The following SDK1 variants were observed in gnomAD, a reference collection of about 807,000 sequenced individuals.
The protein encoded by SDK1 is protein sidekick-1.
Under a neutral mutation model 245.5 loss-of-function variants are expected in SDK1, and 157 were observed. The ratio of observed to expected loss-of-function variants is 0.64; its 90% CI spans 0.56 to 0.73. SDK1 has a LOEUF of 0.73. Among genes scored for constraint, SDK1 ranks in the 30% least tolerant of loss-of-function variants. The pLI, the probability that SDK1 is intolerant of heterozygous loss-of-function variation, is 0.00. For missense variants in SDK1, 3,583 were observed against 3,002.3 expected, an observed-to-expected ratio of 1.19 and a Z score of -4.52; for synonymous variants, 1,647 against 1,278.5, an observed-to-expected ratio of 1.29 and a Z score of -6.15.
chr7:3,348,383 AAG>A (rs1780564020), intron 1 of SDK1, among the ~76,000 whole-genome samples: 1 of 152,182 alleles, frequency 6.6e-6, no homozygotes, highest in African/African-American at 2.4e-5. Flanking sequence ...CAGCCATAAA[AAG>A]GAACAAAATC....
chr7:4,128,784 G>C (rs1450846788), intron 26 of SDK1, among the ~76,000 whole-genome samples: 1 of 144,372 alleles, frequency 6.9e-6, no homozygotes, highest in East Asian at 2.0e-4. Context: ...CTTAGGGTTG[G>C]GTGCCCTGGA....
chr7:3,551,396 A>G lies in SDK1; in HGVS notation c.299-67684A>G, dbSNP rs530075287. 3.3e-5 allele frequency among the ~76,000 whole-genome samples: 5 copies of G among 152,318 alleles called. 1 individual carries two copies. The East Asian group carries it at 9.6e-4, about 29-fold the overall frequency. ...TTATCCTGGTAAAGTTTTCATATCC[A>G]ACTGGGGAATCAGCAGCAATGTTTC... On this transcript the variant is annotated intron_variant, in intron 1 of 44. Coordinates refer to ENST00000404826, the MANE Select transcript of SDK1 (RefSeq NM_152744.4).
intron 1 of SDK1, among the ~76,000 whole-genome samples, chr7:3,489,109 C>G (rs1198907313): frequency 6.6e-6 from 1 of 152,134 alleles, no homozygotes; most frequent in Non-Finnish European, 1.5e-5. Flanking sequence ...GTAATATTCT[C>G]TCCCTGCAGA....
chr7:3,321,778 C>CCTTCTCCTTCCT (rs1554257335), intron 1 of SDK1, among the ~76,000 whole-genome samples: 1 of 50,302 alleles, frequency 2.0e-5, no homozygotes, highest in Non-Finnish European at 3.4e-5. Context: ...TTCCTTCCTT[C>CCTTCTCCTTCCT]TCCTTCCTTC....
At chr7:3,891,627 C>A (rs1403065620) in intron 5 of SDK1, among the ~76,000 whole-genome samples, 2 of 152,184 alleles carry the variant, frequency 1.3e-5, no homozygotes, top group African/African-American at 4.8e-5. Context: ...TCCAAGTACA[C>A]TGAGCACATC....
At chr7:3,853,098 G>T (rs1252989547) in intron 5 of SDK1, among the ~76,000 whole-genome samples, 1 of 151,958 alleles carries the variant, frequency 6.6e-6, no homozygotes, top group East Asian at 1.9e-4. Context: ...CTCCACGTAC[G>T]CAGGCTTCAC....
At chr7:3,613,864 A>G (rs1261922126) in intron 1 of SDK1, among the ~76,000 whole-genome samples, 3 of 152,224 alleles carry the variant, frequency 2.0e-5, no homozygotes, top group African/African-American at 4.8e-5. Context: ...TAGCAAACTA[A>G]CACAGGAACA....
rs367601618 is a variant in SDK1 at position 4,114,309 on chromosome 7, G to A, written c.3823+35G>A. The A allele has an allele frequency of 1.2e-5, 18 of 1,511,042 alleles. No homozygotes were observed. In the Middle Eastern group the frequency reaches 6.9e-4, roughly 58 times the overall value. 93.6% of individuals were successfully genotyped at this position (1,511,042 alleles called of 1,614,324 possible). A position where few individuals can be genotyped will look rare whatever the true frequency, so the allele number is the denominator to read the frequency against. On this transcript the variant is annotated intron_variant, in intron 25 of 44. Coordinates refer to ENST00000404826, the MANE Select transcript of SDK1 (RefSeq NM_152744.4). ...AGGCGATTCCCATCCTGGAGACACC[G>A]CATTAGAGATGGGGCTGAGTGCCCC...
At position 3,512,217 on chromosome 7, in the gene SDK1, T is replaced by C. The variant is rs141585646; in HGVS notation, c.299-106863T>C. Among the ~76,000 whole-genome samples, 34 of 152,268 alleles carry C rather than the reference T, an allele frequency of 2.2e-4. No individual in the cohort carries two copies. In the East Asian group the frequency reaches 5.8e-3, roughly 26 times the overall value. On this transcript the variant is annotated intron_variant, in intron 1 of 44. Transcript: ENST00000404826. The stretch of plus-strand genomic sequence containing the variant: ...CGTATCATTGGGATCATACAGAATA[T>C]AGACTTTTCAGACTGATAACTTTCA...
intron 1 of SDK1, among the ~76,000 whole-genome samples, chr7:3,366,376 A>G (rs1781091754): frequency 6.6e-6 from 1 of 150,958 alleles, no homozygotes; most frequent in Non-Finnish European, 1.5e-5. Context: ...TTCACAATAT[A>G]TTTTGGAGAT....
chr7:3,702,095 C>T (rs1355829541), intron 4 of SDK1, among the ~76,000 whole-genome samples: 1 of 152,018 alleles, frequency 6.6e-6, no homozygotes, highest in African/African-American at 2.4e-5. Context: ...TGTTCTTAGA[C>T]ATGACACCAG....
intron 17 of SDK1, among the ~76,000 whole-genome samples, chr7:4,046,687 C>T (rs7781059): frequency 0.29 from 44,269 of 152,110 alleles, 9,597 homozygotes; most frequent in African/African-American, 0.62. Flanking sequence ...TGTTGATTTC[C>T]AGTTAGTCTT....
At chr7:4,022,778 T>TTC (rs1787014141) in intron 17 of SDK1, among the ~76,000 whole-genome samples, 1 of 144,096 alleles carries the variant, frequency 6.9e-6, no homozygotes, top group African/African-American at 2.6e-5. Flanking sequence ...CTTTCTTTCT[T>TTC]TTTTTTTTTT....
chr7:4,028,022 TAAG>T (rs923775128), intron 17 of SDK1, among the ~76,000 whole-genome samples: 2 of 151,288 alleles, frequency 1.3e-5, no homozygotes, highest in Non-Finnish European at 2.9e-5. Context: ...GGCAATTAGG[TAAG>T]AAGGGGAGGA....
chr7:3,736,686 A>T (rs1234479086), intron 4 of SDK1, among the ~76,000 whole-genome samples: 2 of 152,318 alleles, frequency 1.3e-5, no homozygotes, highest in East Asian at 1.9e-4. Flanking sequence ...TATATATATA[A>T]GGTATACAGC....
At chr7:3,810,819 C>T (rs1019044326) in intron 4 of SDK1, among the ~76,000 whole-genome samples, 2 of 152,132 alleles carry the variant, frequency 1.3e-5, no homozygotes, top group African/African-American at 2.4e-5. Flanking sequence ...TTTTAACGTT[C>T]GTGGCATCTG....
At chr7:4,000,311 CT>C (rs1486837744) in intron 14 of SDK1, among the ~76,000 whole-genome samples, 3 of 152,222 alleles carry the variant, frequency 2.0e-5, no homozygotes, top group African/African-American at 7.2e-5. Context: ...ATGGAACGTT[CT>C]GGTGCCCCCA....
chr7:3,355,684 G>A (rs1053878081), intron 1 of SDK1, among the ~76,000 whole-genome samples: 5 of 152,012 alleles, frequency 3.3e-5, no homozygotes, highest in Non-Finnish European at 7.4e-5. Flanking sequence ...TATTCCTGCA[G>A]ACACCCGTCA....
chr7:3,980,939 CAA>C (rs35657695), intron 13 of SDK1, among the ~76,000 whole-genome samples: 60 of 142,526 alleles, frequency 4.2e-4, no homozygotes, highest in African/African-American at 8.4e-4. Flanking sequence ...GACTCCATCT[CAA>C]AAAAAAAAAA....
Sources: gnomAD v4.1 joint callset for allele counts (sites outside exome capture counted in the v4.1 genomes callset) on GRCh38, gnomAD v4.1.1 for gene constraint, MANE v1.5 for transcripts, NCBI Gene and HGNC (gene_info 2026-07-23, HGNC 2026-07-21) for gene names.